RANBP9: variants seen among roughly 807,000 people sequenced by gnomAD.
RANBP9 encodes the protein ran-binding protein 9.
RANBP9 carries 15 observed loss-of-function variants against 84.3 expected under a neutral mutation model. The ratio of observed to expected loss-of-function variants is 0.18; its 90% CI spans 0.12 to 0.27. The LOEUF is 0.27. RANBP9 is among the 10% of genes least tolerant of loss of function. RANBP9 has a pLI of 1.00. For missense variants in RANBP9, 809 were observed against 912.8 expected (o/e 0.89, Z 1.46); for synonymous variants, 392 against 349.6 (o/e 1.12, Z -1.35).
At chr6:13,694,581 G>A (rs1329687793) in intron 2 of RANBP9, among the ~76,000 whole-genome samples, 5 of 152,202 alleles carry the variant, frequency 3.3e-5, no homozygotes, top group Admixed American at 2.6e-4. Flanking sequence ...GCATTTATCT[G>A]TGGTTTTGCT....
intron 2 of RANBP9, among the ~76,000 whole-genome samples, chr6:13,683,899 G>A (rs1766104962): frequency 6.6e-6 from 1 of 151,648 alleles, no homozygotes; most frequent in South Asian, 2.1e-4. Context: ...GAAACATGAT[G>A]GTTATATATC....
intron 10 of RANBP9, among the ~76,000 whole-genome samples, chr6:13,636,138 G>A (rs1424561782): frequency 6.6e-6 from 1 of 152,104 alleles, no homozygotes; most frequent in Non-Finnish European, 1.5e-5. Flanking sequence ...GGGAGGGTAG[G>A]AAGAAGAGCA....
chr6:13,682,959 A>G (rs929106258), intron 2 of RANBP9, among the ~76,000 whole-genome samples: 5 of 152,208 alleles, frequency 3.3e-5, no homozygotes, highest in Non-Finnish European at 5.9e-5. Context: ...TCTAAAATCT[A>G]GGTGGTGTGT....
chr6:13,632,234 G>A (rs146958283), intron 12 of RANBP9, 136 bp downstream of exon 12: 1 of 598,442 alleles, frequency 1.7e-6, no homozygotes, highest in Non-Finnish European at 2.6e-6. Context: ...TCCACTCTCA[G>A]ATGGGCAAGG....
intron 1 of RANBP9, among the ~76,000 whole-genome samples, chr6:13,710,089 G>A (rs1408221568): frequency 6.6e-6 from 1 of 152,070 alleles, no homozygotes; most frequent in African/African-American, 2.4e-5. Flanking sequence ...ATATACAACT[G>A]ATTTGCTTCC....
intron 1 of RANBP9, 43 bp from the exon 2 acceptor site, chr6:13,696,939 T>C: frequency 6.8e-7 from 1 of 1,475,820 alleles, no homozygotes; most frequent in African/African-American, 1.4e-5. Context: ...CATGAGATAT[T>C]CACTGAAAGA....
intron 2 of RANBP9, among the ~76,000 whole-genome samples, chr6:13,663,153 A>T (rs1765571728): frequency 6.6e-6 from 1 of 151,984 alleles, no homozygotes; most frequent in Non-Finnish European, 1.5e-5. Flanking sequence ...ACAAAAAAGA[A>T]AAAAAGTGCA....
At position 13,637,996 on chromosome 6, in the gene RANBP9, AATTT is replaced by A. The variant is rs1764981480; in HGVS notation, c.1526-45_1526-42del. 3.3e-6 allele frequency: 5 copies of A among 1,536,526 alleles called. No homozygotes were observed. In the African/African-American group the frequency reaches 6.9e-5, roughly 21 times the overall value. On this transcript the variant is annotated intron_variant, in intron 9 of 13. Transcript: ENST00000011619. ...CCACGTAGAAACAGAAACAAACACT[AATTT>A]ATTAATACGGTTGTAAACAAGTCTC...
At chr6:13,626,591 A>C (rs911926587) in intron 12 of RANBP9, among the ~76,000 whole-genome samples, 3 of 152,246 alleles carry the variant, frequency 2.0e-5, no homozygotes, top group Non-Finnish European at 4.4e-5. Flanking sequence ...TTATTATGCC[A>C]AAAGTCAATA....
intron 2 of RANBP9, among the ~76,000 whole-genome samples, chr6:13,680,298 C>T (rs748108237): frequency 2.0e-5 from 3 of 149,458 alleles, no homozygotes; most frequent in Admixed American, 2.0e-4. Flanking sequence ...TGAACCTACT[C>T]TTAAGACCAT....
At chr6:13,688,693 A>T (rs576824402) in intron 2 of RANBP9, among the ~76,000 whole-genome samples, 355 of 150,832 alleles carry the variant, frequency 2.4e-3, no homozygotes, top group Non-Finnish European at 3.8e-3. Flanking sequence ...TTTTTTTTTT[A>T]AATCTCTATC....
chr6:13,707,310 C>T (rs554657045), intron 1 of RANBP9, among the ~76,000 whole-genome samples: 2 of 152,280 alleles, frequency 1.3e-5, no homozygotes, highest in South Asian at 4.1e-4. Context: ...TAAGCCACCA[C>T]ACCCACTGAA....
intron 2 of RANBP9, among the ~76,000 whole-genome samples, chr6:13,690,852 C>T (rs775956403): frequency 6.6e-6 from 1 of 152,002 alleles, no homozygotes; most frequent in Non-Finnish European, 1.5e-5. Context: ...AACACACACC[C>T]GTTAAATATA....
At chr6:13,631,215 G>GT (rs2127761001) in intron 12 of RANBP9, among the ~76,000 whole-genome samples, 1 of 152,212 alleles carries the variant, frequency 6.6e-6, no homozygotes, top group South Asian at 2.1e-4. Flanking sequence ...AGAAACAGCA[G>GT]TTTTTATACT....
intron 2 of RANBP9, among the ~76,000 whole-genome samples, chr6:13,682,486 C>G (rs1766068212): frequency 2.0e-5 from 3 of 149,752 alleles, no homozygotes; most frequent in South Asian, 2.1e-4. Context: ...GAGTTTTGCT[C>G]TTGTTGCCCA....
chr6:13,634,515 C>T lies in RANBP9; in HGVS notation c.1711G>A (p.Gly571Arg). ...VDMETDHYSN[G>R]VGETSSNGFL... Reference sequence around the variant, plus strand: ...CCATTGGATGAAGTTTCTCCAACTCCATTGGAGTAGTGATCTGTTTCCATG... The same window carrying T: ...CCATTGGATGAAGTTTCTCCAACTCTATTGGAGTAGTGATCTGTTTCCATG... Residue 571 changes from glycine to arginine, a missense_variant, in exon 11 of 14, where the codon GGA becomes AGA. Coordinates refer to ENST00000011619, the MANE Select transcript of RANBP9 (RefSeq NM_005493.3). 6.2e-7 allele frequency: 1 copy of T among 1,612,760 alleles called. No individual in the cohort carries two copies. The highest frequency in any genetic ancestry group is 8.5e-7 in the Non-Finnish European group (1 of 1,178,934).
At chr6:13,708,145 G>A (rs1156336783) in intron 1 of RANBP9, among the ~76,000 whole-genome samples, 1 of 152,140 alleles carries the variant, frequency 6.6e-6, no homozygotes, top group African/African-American at 2.4e-5. Context: ...ATACAGGCTG[G>A]ACACAGTGGC....
intron 13 of RANBP9, among the ~76,000 whole-genome samples, chr6:13,625,445 A>G (rs919602250): frequency 2.0e-5 from 3 of 152,176 alleles, no homozygotes; most frequent in Non-Finnish European, 4.4e-5. Flanking sequence ...CCCAAGTTGT[A>G]CCCCATCTTA....
intron 7 of RANBP9, among the ~76,000 whole-genome samples, chr6:13,642,183 T>C (rs772105286): frequency 6.6e-6 from 1 of 152,206 alleles, no homozygotes. Flanking sequence ...TTTTTAAATC[T>C]TTTTATTAAA....
Sources: allele counts gnomAD v4.1 joint callset (sites outside exome capture counted in the v4.1 genomes callset), GRCh38; gene constraint gnomAD v4.1.1; transcripts MANE v1.5; gene names NCBI Gene and HGNC (gene_info 2026-07-23, HGNC 2026-07-21).